The following VIT variants were observed in gnomAD, a reference collection of about 807,000 sequenced individuals.
VIT encodes the protein vitrin.
A neutral mutation model predicts 78.0 loss-of-function variants in VIT; 99 were observed. That is an observed-to-expected ratio of 1.27 (90% CI 1.08 to 1.50). The LOEUF is 1.50. Ranked by LOEUF, VIT falls within the 40% of genes most tolerant of loss-of-function variation. The probability of loss-of-function intolerance (pLI) is 0.00; values close to 1 mark genes in which losing one functional copy is unlikely to be tolerated. For missense variants in VIT, 1,126 were observed against 875.3 expected (o/e 1.29, Z -3.61); for synonymous variants, 374 against 334.3 (o/e 1.12, Z -1.29).
intron 12 of VIT, among the ~76,000 whole-genome samples, chr2:36,794,542 G>C (rs1028007894): frequency 6.6e-6 from 1 of 152,124 alleles, no homozygotes; most frequent in Admixed American, 6.5e-5. Flanking sequence ...GCAGATTCAT[G>C]ATTTCTTATT....
chr2:36,707,245 A>G (rs915272076), intron 1 of VIT, among the ~76,000 whole-genome samples: 11 of 152,186 alleles, frequency 7.2e-5, no homozygotes, highest in African/African-American at 2.6e-4. Context: ...CACAAGACAA[A>G]TCATAGCTCT....
At chr2:36,723,710 T>G (rs1310973625) in intron 2 of VIT, among the ~76,000 whole-genome samples, 1 of 152,126 alleles carries the variant, frequency 6.6e-6, no homozygotes, top group African/African-American at 2.4e-5. Context: ...AATTTTAGTA[T>G]TTAATATGCT....
chr2:36,705,483 G>A (rs542046226), intron 1 of VIT, among the ~76,000 whole-genome samples: 21 of 152,178 alleles, frequency 1.4e-4, no homozygotes, highest in Non-Finnish European at 2.6e-4. Flanking sequence ...CAAAATAACC[G>A]TCTGAAACAC....
chr2:36,715,259 A>G (rs4670596), intron 1 of VIT, among the ~76,000 whole-genome samples: 143,205 of 152,278 alleles, frequency 0.94, 68,008 homozygotes, highest in Middle Eastern at 1. Flanking sequence ...TAAGAAGCCA[A>G]CTGGGCTCAG....
At chr2:36,771,300 C>T (rs551019613) in intron 7 of VIT, among the ~76,000 whole-genome samples, 88 of 152,200 alleles carry the variant, frequency 5.8e-4, no homozygotes, top group African/African-American at 1.8e-3. Context: ...GAGGCCAAGG[C>T]GGGCGGATCA....
At position 36,712,251 on chromosome 2, in the gene VIT, C is replaced by T. The variant is rs565646313; in HGVS notation, c.-18-4102C>T. The stretch of plus-strand genomic sequence containing the variant: ...TTGCAGCGGTGAGAAAGAAACTTCA[C>T]GTATTCTAAGATACTAGAGTGATTC... On this transcript the variant is annotated intron_variant, in intron 1 of 15. Coordinates refer to ENST00000379242, the MANE Select transcript of VIT (RefSeq NM_053276.4). Among the ~76,000 whole-genome samples, 9 of 152,290 alleles carry T rather than the reference C, an allele frequency of 5.9e-5. 1 individual carries two copies. The South Asian group carries it at 1.2e-3, about 21-fold the overall frequency.
At chr2:36,712,552 A>G (rs1573124333) in intron 1 of VIT, among the ~76,000 whole-genome samples, 1 of 148,722 alleles carries the variant, frequency 6.7e-6, no homozygotes, top group East Asian at 2.1e-4. Flanking sequence ...TAAAGTGTAT[A>G]ATTTGGCCGG....
intron 4 of VIT, among the ~76,000 whole-genome samples, chr2:36,751,603 G>A (rs893478889): frequency 3.9e-5 from 6 of 152,260 alleles, no homozygotes; most frequent in African/African-American, 1.4e-4. Context: ...GAGGCGCCCT[G>A]TGGAGAAAAT....
intron 1 of VIT, among the ~76,000 whole-genome samples, chr2:36,699,249 C>T (rs1324815317): frequency 6.6e-6 from 1 of 151,168 alleles, no homozygotes; most frequent in Non-Finnish European, 1.5e-5. Flanking sequence ...TCATCACATA[C>T]GAAATGAAGA....
In VIT at chr2:36,801,860, T is replaced by C. The variant is rs1235102090; in HGVS notation, c.1162+456T>C. 2.6e-5 allele frequency among the ~76,000 whole-genome samples: 4 copies of C among 151,968 alleles called. No individual in the cohort carries two copies. In the East Asian group the frequency reaches 7.7e-4, roughly 29 times the overall value. Reference sequence around the variant, plus strand: ...TTATCATGGCTTCAGAGGGCAAGAATCTTTAACACACACACACTGTACAGT... The same window carrying C: ...TTATCATGGCTTCAGAGGGCAAGAACCTTTAACACACACACACTGTACAGT... On this transcript the variant is annotated intron_variant, in intron 13 of 15. Transcript: ENST00000379242.
intron 3 of VIT, among the ~76,000 whole-genome samples, chr2:36,739,917 G>C (rs951630780): frequency 2.0e-5 from 3 of 152,176 alleles, no homozygotes; most frequent in African/African-American, 4.8e-5. Flanking sequence ...AGAGGCTTTT[G>C]TCTTGCTTTC....
intron 9 of VIT, among the ~76,000 whole-genome samples, chr2:36,780,205 T>G (rs982778693): frequency 6.6e-6 from 1 of 152,204 alleles, no homozygotes; most frequent in East Asian, 1.9e-4. Flanking sequence ...AGGACAGGCT[T>G]CTAGGACAGG....
chr2:36,725,045 G>C (rs1051796137), intron 2 of VIT, among the ~76,000 whole-genome samples: 2 of 152,010 alleles, frequency 1.3e-5, no homozygotes, highest in East Asian at 3.9e-4. Flanking sequence ...TTAGACCTCC[G>C]GGACACTCAC....
intron 9 of VIT, among the ~76,000 whole-genome samples, chr2:36,776,539 G>A (rs965987786): frequency 2.0e-5 from 3 of 152,090 alleles, no homozygotes; most frequent in South Asian, 2.1e-4. Context: ...GGTGGTTCAC[G>A]CCGGTAATCC....
intron 6 of VIT, among the ~76,000 whole-genome samples, chr2:36,761,764 T>A (rs1429249720): frequency 6.7e-6 from 1 of 150,064 alleles, no homozygotes; most frequent in East Asian, 2.0e-4. Flanking sequence ...AAGAAAGGAG[T>A]ACTTGTGCCC....
At chr2:36,770,966 C>A (rs1470605006) in intron 7 of VIT, among the ~76,000 whole-genome samples, 17 of 152,308 alleles carry the variant, frequency 1.1e-4, no homozygotes, top group South Asian at 1.0e-3. Context: ...CCAAGGACCG[C>A]TAAGCGGGAG....
intron 6 of VIT, among the ~76,000 whole-genome samples, chr2:36,760,915 G>T (rs1348534183): frequency 6.6e-6 from 1 of 152,076 alleles, no homozygotes; most frequent in Non-Finnish European, 1.5e-5. Context: ...CTCGCATTTT[G>T]CTGCATGAGC....
At chr2:36,775,617 T>C (rs1425069823) in intron 9 of VIT, among the ~76,000 whole-genome samples, 1 of 152,186 alleles carries the variant, frequency 6.6e-6, no homozygotes, top group Non-Finnish European at 1.5e-5. Flanking sequence ...TTCTCCATTC[T>C]CCTTTATGCT....
chr2:36,773,623 C>T (rs976046726), intron 7 of VIT, among the ~76,000 whole-genome samples, 168 bp from the exon 8 acceptor site: 1 of 152,056 alleles, frequency 6.6e-6, no homozygotes, highest in Non-Finnish European at 1.5e-5. Context: ...CCCAGCTACT[C>T]GGGAGGCTGA....
Sources: allele counts gnomAD v4.1 joint callset (sites outside exome capture counted in the v4.1 genomes callset), GRCh38; gene constraint gnomAD v4.1.1; transcripts MANE v1.5; gene names NCBI Gene and HGNC (gene_info 2026-07-23, HGNC 2026-07-21).